The following TAX1BP1 variants were observed in gnomAD, a reference collection of about 807,000 sequenced individuals.
TAX1BP1 encodes the protein Tax1 binding protein 1.
A neutral mutation model predicts 97.7 loss-of-function variants in TAX1BP1; 62 were observed. That is an observed-to-expected ratio of 0.63 (90% CI 0.52 to 0.78). The LOEUF (loss-of-function observed/expected upper bound fraction) is 0.78, where lower values mean the gene tolerates loss of function less well. Among genes scored for constraint, TAX1BP1 ranks in the 30% least tolerant of loss-of-function variants. The probability of loss-of-function intolerance (pLI) is 0.00; values close to 1 mark genes in which losing one functional copy is unlikely to be tolerated. For missense variants in TAX1BP1, 867 were observed against 916.1 expected (o/e 0.95, Z 0.69); for synonymous variants, 340 against 304.2 (o/e 1.12, Z -1.23).
At chr7:27,748,396 A>G (rs1443489598) in intron 1 of TAX1BP1, 122 bp from the exon 2 acceptor site, 4 of 612,092 alleles carry the variant, frequency 6.5e-6, no homozygotes, top group African/African-American at 1.9e-5. Context: ...TACAAAGTAT[A>G]TATTTTCTTA....
rs1036026238 is a variant in TAX1BP1 at position 27,744,870 on chromosome 7, A to G, written c.-7-3648A>G. Reference sequence around the variant, plus strand: ...GACATTAATGCATTCGCAAAATAATAAAATTGGAATTTAGACCAAAGACTT... The same window carrying G: ...GACATTAATGCATTCGCAAAATAATGAAATTGGAATTTAGACCAAAGACTT... On this transcript the variant is annotated intron_variant, in intron 1 of 16. Coordinates refer to ENST00000396319, the MANE Select transcript of TAX1BP1 (RefSeq NM_006024.7). Among the ~76,000 whole-genome samples, 7 of 152,376 alleles carry G rather than the reference A, an allele frequency of 4.6e-5. No individual in the cohort carries two copies. The East Asian group carries it at 7.7e-4, about 17-fold the overall frequency.
At chr7:27,777,554 C>G (rs937011226) in intron 5 of TAX1BP1, among the ~76,000 whole-genome samples, 6 of 152,106 alleles carry the variant, frequency 3.9e-5, no homozygotes, top group Non-Finnish European at 7.4e-5. Context: ...CTTTCTCCAG[C>G]CTGGGTTAAT....
At chr7:27,745,083 C>G (rs538506292) in intron 1 of TAX1BP1, among the ~76,000 whole-genome samples, 2 of 152,310 alleles carry the variant, frequency 1.3e-5, no homozygotes, top group East Asian at 3.9e-4. Flanking sequence ...TTATCCTTGG[C>G]TTGCCTACTT....
intron 15 of TAX1BP1, among the ~76,000 whole-genome samples, chr7:27,818,949 A>G (rs574233136): frequency 2.6e-5 from 4 of 152,312 alleles, no homozygotes; most frequent in African/African-American, 7.2e-5. Flanking sequence ...CACCTGTCAA[A>G]TGGACTAAAC....
intron 4 of TAX1BP1, among the ~76,000 whole-genome samples, chr7:27,769,310 C>T (rs912521109): frequency 1.3e-5 from 2 of 151,890 alleles, no homozygotes; most frequent in African/African-American, 4.8e-5. Flanking sequence ...AGAAGAGGTA[C>T]AACTTTTCCT....
chr7:27,790,983 T>G (rs1490096092), intron 8 of TAX1BP1, among the ~76,000 whole-genome samples: 1 of 152,202 alleles, frequency 6.6e-6, no homozygotes, highest in African/African-American at 2.4e-5. Flanking sequence ...TTTTGTATGT[T>G]CATGACTTTT....
chr7:27,786,069 C>T (rs187478450), intron 7 of TAX1BP1, among the ~76,000 whole-genome samples: 330 of 151,754 alleles, frequency 2.2e-3, no homozygotes, highest in Non-Finnish European at 3.6e-3. Context: ...AGAATATCTT[C>T]AGAGATGTCA....
chr7:27,821,765 G>A lies in TAX1BP1; in HGVS notation c.2085+4727G>A, dbSNP rs189694570. ...TTCACAGAGCTGTGCAACCATCACC[G>A]CATTCAATTTTAGAACATTTTCCTC... On this transcript the variant is annotated intron_variant, in intron 15 of 16. Transcript: ENST00000396319. 1.1e-3 allele frequency among the ~76,000 whole-genome samples: 173 copies of A among 151,914 alleles called. 2 individuals carry two copies. The highest frequency in any genetic ancestry group is 3.9e-3 in the African/African-American group (161 of 41,424).
Position 27,766,081 on chromosome 7 carries a change from GT to G in TAX1BP1, c.453+62del, listed in dbSNP as rs1398021585. The G allele has an allele frequency of 5.9e-6, 9 of 1,516,322 alleles. No homozygotes were observed. In the Admixed American group the frequency reaches 1.2e-4, roughly 21 times the overall value. 93.9% of individuals were successfully genotyped at this position (1,516,322 alleles called of 1,614,324 possible). The stretch of plus-strand genomic sequence containing the variant: ...AATTTTAAGAACAGAGCTCATGTTG[GT>G]TGGCATTTTAAGAATTTTAAGGTTA... On this transcript the variant is annotated intron_variant, in intron 4 of 16. Transcript: ENST00000396319.
chr7:27,808,353 T>C (rs1174538028), intron 13 of TAX1BP1, among the ~76,000 whole-genome samples: 3 of 152,204 alleles, frequency 2.0e-5, no homozygotes, highest in African/African-American at 7.2e-5. Context: ...CTAATTAGAC[T>C]AGGAACCTGG....
At chr7:27,792,735 G>A (rs1449841830) in intron 9 of TAX1BP1, among the ~76,000 whole-genome samples, 1 of 152,078 alleles carries the variant, frequency 6.6e-6, no homozygotes, top group Non-Finnish European at 1.5e-5. Context: ...GCTGAGGTGG[G>A]AAGATCGCTT....
intron 12 of TAX1BP1, among the ~76,000 whole-genome samples, chr7:27,796,907 C>T (rs1789954987): frequency 6.6e-6 from 1 of 151,844 alleles, no homozygotes. Flanking sequence ...AAGATTTTTA[C>T]ATCTTAAAGT....
At chr7:27,824,715 C>T (rs1474083860) in intron 15 of TAX1BP1, among the ~76,000 whole-genome samples, 2 of 152,002 alleles carry the variant, frequency 1.3e-5, no homozygotes, top group African/African-American at 4.8e-5. Flanking sequence ...GTTTCCTTTG[C>T]TTAAAAACCA....
intron 13 of TAX1BP1, among the ~76,000 whole-genome samples, chr7:27,812,139 C>CA (rs1380916688): frequency 1.3e-5 from 2 of 152,192 alleles, no homozygotes; most frequent in African/African-American, 4.8e-5. Context: ...CCAACTGCTC[C>CA]ATATCCTCAC....
rs767646362 is a variant in TAX1BP1, at chr7:27,758,019, A to C, written c.163-12A>C. On this transcript the variant is annotated splice_polypyrimidine_tract_variant and intron_variant, in intron 2 of 16. Coordinates refer to ENST00000396319, the MANE Select transcript of TAX1BP1 (RefSeq NM_006024.7). ...TGCTTATAAATCCGCCTTTTTTGTT[A>C]TTTCCCTTTAGGTTGGATGGAGTAC... The C allele has an allele frequency of 6.3e-7, 1 of 1,588,630 alleles. No individual in the cohort carries two copies. The highest frequency in any genetic ancestry group is 1.8e-5 in the Admixed American group (1 of 55,892).
intron 15 of TAX1BP1, 140 bp from the exon 16 acceptor site, chr7:27,827,596 GAA>G: frequency 1.6e-6 from 1 of 626,174 alleles, no homozygotes. Context: ...ATGTTTATTT[GAA>G]AGTCTAATTA....
chr7:27,765,580 G>C (rs1241950605), intron 3 of TAX1BP1, among the ~76,000 whole-genome samples: 3 of 152,038 alleles, frequency 2.0e-5, no homozygotes, highest in Non-Finnish European at 4.4e-5. Flanking sequence ...TAAATGAGTG[G>C]GTTTTGCCCT....
chr7:27,795,991 T>C (rs1789917878), intron 11 of TAX1BP1, 125 bp from the exon 12 acceptor site: 1 of 661,380 alleles, frequency 1.5e-6, no homozygotes, highest in Non-Finnish European at 2.6e-6. Flanking sequence ...TGAATAGATA[T>C]TTCTGTCCTT....
intron 13 of TAX1BP1, among the ~76,000 whole-genome samples, chr7:27,813,350 CT>C (rs1031717788): frequency 6.9e-4 from 101 of 145,446 alleles, no homozygotes; most frequent in African/African-American, 2.4e-3. Flanking sequence ...CTTTTCTTTT[CT>C]TTTTTTTTTC....
Sources: allele counts gnomAD v4.1 joint callset (sites outside exome capture counted in the v4.1 genomes callset), GRCh38; gene constraint gnomAD v4.1.1; transcripts MANE v1.5; gene names NCBI Gene and HGNC (gene_info 2026-07-23, HGNC 2026-07-21).